Variants in METTL25 observed in about 807,000 individuals in gnomAD.
The protein encoded by METTL25 is methyltransferase like 25.
METTL25 carries 64 observed loss-of-function variants against 71.6 expected under a neutral mutation model. The ratio of observed to expected loss-of-function variants is 0.89; its 90% CI spans 0.73 to 1.10. The LOEUF is 1.10. Among genes scored for constraint, METTL25 ranks in the 50% least tolerant of loss-of-function variants. The pLI, the probability that METTL25 is intolerant of heterozygous loss-of-function variation, is 0.00. For missense variants in METTL25, 807 were observed against 707.0 expected (o/e 1.14, Z -1.60); for synonymous variants, 287 against 250.3 (o/e 1.15, Z -1.38).
chr12:82,387,152 T>C (rs1885116216), intron 2 of METTL25, among the ~76,000 whole-genome samples, 185 bp downstream of exon 2: 1 of 152,162 alleles, frequency 6.6e-6, no homozygotes, highest in East Asian at 1.9e-4. Flanking sequence ...ACAGAACAAC[T>C]TGTAGATGTC....
chr12:82,417,678 C>G (rs1259190501), intron 5 of METTL25, among the ~76,000 whole-genome samples: 2 of 152,084 alleles, frequency 1.3e-5, no homozygotes, highest in East Asian at 3.9e-4. Context: ...GAAAAAAAGT[C>G]CCTGCACTCA....
intron 6 of METTL25, among the ~76,000 whole-genome samples, chr12:82,431,663 A>G (rs1220700310): frequency 6.6e-6 from 1 of 151,602 alleles, no homozygotes; most frequent in Non-Finnish European, 1.5e-5. Context: ...TTATTAATAA[A>G]TTGCTTACCT....
chr12:82,425,824 TGTTTA>T (rs1232570056), intron 5 of METTL25, among the ~76,000 whole-genome samples: 2 of 152,080 alleles, frequency 1.3e-5, no homozygotes, highest in African/African-American at 4.8e-5. Context: ...AGTTCAAGCT[TGTTTA>T]GTTAGGTGGA....
chr12:82,366,386 G>A lies in METTL25; in HGVS notation c.259+7562G>A, dbSNP rs531180860. ...TTGACTTTTCTTTCAGTTTCTTGAC[G>A]CCATATGCTGCTTCTCCTGTTTCAC... is the stretch of plus-strand genomic sequence containing the variant. On this transcript the variant is annotated intron_variant, in intron 1 of 11. Coordinates refer to ENST00000248306, the MANE Select transcript of METTL25 (RefSeq NM_032230.3). Among the ~76,000 whole-genome samples the A allele has an allele frequency of 2.1e-4, 32 of 152,194 alleles. No individual in the cohort carries two copies. The South Asian group carries it at 6.2e-3, about 30-fold the overall frequency.
chr12:82,371,089 G>A (rs748025092), intron 1 of METTL25, among the ~76,000 whole-genome samples: 3 of 152,236 alleles, frequency 2.0e-5, no homozygotes, highest in Non-Finnish European at 4.4e-5. Flanking sequence ...CAACTGAGGA[G>A]GTGGGAGAAA....
intron 1 of METTL25, among the ~76,000 whole-genome samples, chr12:82,372,574 T>C (rs1229295862): frequency 6.6e-6 from 1 of 152,196 alleles, no homozygotes; most frequent in Non-Finnish European, 1.5e-5. Context: ...CAGGATAGTA[T>C]TGTAATTTGT....
chr12:82,401,598 G>C (rs1456137416), intron 4 of METTL25, among the ~76,000 whole-genome samples: 2 of 151,652 alleles, frequency 1.3e-5, no homozygotes, highest in Admixed American at 1.3e-4. Context: ...CTGTACTACA[G>C]GTTATGCAAT....
At chr12:82,360,321 T>C (rs10746242) in intron 1 of METTL25, among the ~76,000 whole-genome samples, 128,956 of 151,988 alleles carry the variant, frequency 0.85, 55,088 homozygotes, top group East Asian at 1. Context: ...TATTTTCTCT[T>C]TTAATCTTTA....
At position 82,476,673 on chromosome 12, in the gene METTL25, C is replaced by T. The variant is rs765419878; in HGVS notation, c.1602C>T (p.Tyr534=). ...KLPEKIIMNY[Y]EKYKPRMNEL... ...CAGAAAAAATTATAATGAACTACTA[C>T]GAGAAGTATAAGCCTCGAATGAATG... The change falls in exon 10 of 12, where the codon TAC becomes TAT. Residue 534 remains tyrosine, a synonymous_variant. Transcript: ENST00000248306. The T allele has an allele frequency of 1.3e-5, 20 of 1,599,940 alleles. No individual in the cohort carries two copies. Among genetic ancestry groups the T allele is most frequent in the African/African-American group, 8.1e-5 (6 of 74,110 alleles).
chr12:82,441,806 A>AAAACACACACAC (rs1890360320), intron 8 of METTL25, among the ~76,000 whole-genome samples: 1 of 133,982 alleles, frequency 7.5e-6, no homozygotes, highest in Non-Finnish European at 1.6e-5. Context: ...AAAAAATAGA[A>AAAACACACACAC]ACACACACAC....
intron 5 of METTL25, among the ~76,000 whole-genome samples, chr12:82,410,728 T>C (rs1015985314): frequency 6.6e-6 from 1 of 152,046 alleles, no homozygotes; most frequent in African/African-American, 2.4e-5. Context: ...GAGGAAACTA[T>C]GAGCCATAAA....
intron 8 of METTL25, among the ~76,000 whole-genome samples, chr12:82,446,846 A>G (rs1890787437): frequency 6.6e-6 from 1 of 151,592 alleles, no homozygotes; most frequent in East Asian, 1.9e-4. Flanking sequence ...CAAACTCCTG[A>G]CCTCAGGTGA....
At chr12:82,370,498 A>G (rs1883104669) in intron 1 of METTL25, among the ~76,000 whole-genome samples, 1 of 152,142 alleles carries the variant, frequency 6.6e-6, no homozygotes, top group South Asian at 2.1e-4. Flanking sequence ...TGGTTAGTGT[A>G]AAAACAATAC....
intron 1 of METTL25, among the ~76,000 whole-genome samples, chr12:82,375,351 C>G (rs1207850920): frequency 2.6e-5 from 4 of 152,106 alleles, no homozygotes; most frequent in African/African-American, 9.7e-5. Context: ...GCAAGGAGCA[C>G]CATCTTGGAA....
rs149207505 is a variant in METTL25 at position 82,454,388 on chromosome 12, C to CT, written c.1479-2338dup. Among the ~76,000 whole-genome samples, 884 of 152,074 alleles carry CT rather than the reference C, an allele frequency of 5.8e-3. 51 individuals carry two copies. In the East Asian group the frequency reaches 0.14, roughly 24 times the overall value. On this transcript the variant is annotated intron_variant, in intron 8 of 11. Coordinates refer to ENST00000248306, the MANE Select transcript of METTL25 (RefSeq NM_032230.3). Reference sequence around the variant, plus strand: ...CTAAAAGCATGGTATGTTCAAGAAACTAAGAGAATGCCAGTGTTGTTGAGG... The same window carrying CT: ...CTAAAAGCATGGTATGTTCAAGAAACTTAAGAGAATGCCAGTGTTGTTGAGG...
At chr12:82,377,113 CAA>C (rs796248923) in intron 1 of METTL25, among the ~76,000 whole-genome samples, 2 of 138,312 alleles carry the variant, frequency 1.4e-5, no homozygotes, top group African/African-American at 2.7e-5. Context: ...GACTCTGTCT[CAA>C]AAAAAAAAAG....
At chr12:82,463,660 C>G (rs910148456) in intron 9 of METTL25, among the ~76,000 whole-genome samples, 2 of 151,866 alleles carry the variant, frequency 1.3e-5, no homozygotes, top group Non-Finnish European at 2.9e-5. Context: ...GAACCTCTAT[C>G]CTCTTCTCCA....
At chr12:82,470,623 C>G (rs73153571) in intron 9 of METTL25, among the ~76,000 whole-genome samples, 9,105 of 152,176 alleles carry the variant, frequency 0.06, 337 homozygotes, top group Middle Eastern at 0.12. Flanking sequence ...GCCTTTCTGC[C>G]TTAGAAAAGT....
At chr12:82,475,906 A>C (rs914467242) in intron 9 of METTL25, among the ~76,000 whole-genome samples, 2 of 152,132 alleles carry the variant, frequency 1.3e-5, no homozygotes, top group Non-Finnish European at 2.9e-5. Context: ...AAATGCTCCA[A>C]TGAGCATTTC....
Sources: allele counts gnomAD v4.1 joint callset (sites outside exome capture counted in the v4.1 genomes callset), GRCh38; gene constraint gnomAD v4.1.1; transcripts MANE v1.5; gene names NCBI Gene and HGNC (gene_info 2026-07-23, HGNC 2026-07-21).